The following PAH variants were observed in gnomAD, a reference collection of about 807,000 sequenced individuals.
PAH encodes phenylalanine-4-hydroxylase.
PAH carries 64 observed loss-of-function variants against 62.0 expected under a neutral mutation model. The observed-to-expected ratio is 1.03, with a 90% CI of 0.84 to 1.27. The LOEUF is 1.27. PAH is among the 50% of genes most tolerant of loss of function. The probability of loss-of-function intolerance (pLI) is 0.00; values close to 1 mark genes in which losing one functional copy is unlikely to be tolerated. For synonymous variants in PAH, 195 were observed against 196.2 expected (o/e 0.99, Z 0.05); for missense variants, 579 against 542.8 (o/e 1.07, Z -0.66).
At chr12:102,953,383 A>C (rs1045394256), upstream of PAH, 7 of 152,196 alleles carry the variant, frequency 4.6e-5, no homozygotes, top group African/African-American at 1.7e-4. Flanking sequence ...AGAAAGCATA[A>C]ATTGGTTTTC....
rs774696864 is a variant in PAH, at chr12:102,866,590, A to G, written c.509+6T>C. 8.7e-6 allele frequency: 14 copies of G among 1,611,504 alleles called. No individual in the cohort carries two copies. In the South Asian group the frequency reaches 1.4e-4, roughly 16 times the overall value. ...CTCTTCCCCTCAACAAGCAAGGCAG[A>G]CTTACTGGCGGTAGTTGTAGGCAAT... On this transcript the variant is annotated splice_donor_region_variant and intron_variant, in intron 5 of 12. Coordinates refer to ENST00000553106, the MANE Select transcript of PAH (RefSeq NM_000277.3).
chr12:102,868,078 A>G (rs1158584702), intron 4 of PAH, among the ~76,000 whole-genome samples: 14 of 64,812 alleles, frequency 2.2e-4, no homozygotes, highest in Non-Finnish European at 3.8e-4. Flanking sequence ...ATATACATAT[A>G]TGTGTGTGTG....
At chr12:102,908,669 A>G (rs1198743838) in intron 2 of PAH, among the ~76,000 whole-genome samples, 1 of 143,666 alleles carries the variant, frequency 7.0e-6, no homozygotes, top group East Asian at 2.0e-4. Context: ...GAACATATGA[A>G]CATCTTACAT....
At chr12:102,879,833 CT>C (rs1393908086) in intron 3 of PAH, among the ~76,000 whole-genome samples, 2 of 152,144 alleles carry the variant, frequency 1.3e-5, no homozygotes, top group Non-Finnish European at 2.9e-5. Context: ...GCCAGATTTC[CT>C]GCCCAGAAGT....
At position 102,958,000 on chromosome 12, in the gene PAH, G is replaced by A. The variant is rs945268562; in HGVS notation, c.-96+195C>T. 5 of 348,814 alleles carry A rather than the reference G, an allele frequency of 1.4e-5. No individual in the cohort carries two copies. Among genetic ancestry groups the A allele is most frequent in the African/African-American group, 2.1e-5 (1 of 47,104 alleles). 21.6% of individuals were successfully genotyped at this position (348,814 alleles called of 1,614,324 possible). A position where few individuals can be genotyped will look rare whatever the true frequency, so the allele number is the denominator to read the frequency against. ...CGAAGCCAACCCGCGAAGGGAGGAG[G>A]GGAGGGAGGAGGAGGCGGCGTGCAG... On this transcript the variant is annotated intron_variant, in intron 1 of 4. Transcript: ENST00000551337. The surrounding 1 kb of genome is among the most constrained non-coding windows in gnomAD (Gnocchi z 4.1).
intron 5 of PAH, 138 bp downstream of exon 5, chr12:102,866,458 T>C: frequency 1.3e-6 from 1 of 748,954 alleles, no homozygotes; most frequent in African/African-American, 1.7e-5. Context: ...CATACACGCA[T>C]GCACATGAAC....
At chr12:102,939,762 T>G (rs1433839700) in intron 1 of PAH, among the ~76,000 whole-genome samples, 1 of 152,028 alleles carries the variant, frequency 6.6e-6, no homozygotes, top group African/African-American at 2.4e-5. Context: ...GGGGTGGAGC[T>G]CCCAGGTACA....
intron 5 of PAH, among the ~76,000 whole-genome samples, chr12:102,857,802 C>T (rs1433451460): frequency 6.6e-6 from 1 of 152,144 alleles, no homozygotes; most frequent in Non-Finnish European, 1.5e-5. Flanking sequence ...CCATGCCTGC[C>T]CTACAAGAGC....
At chr12:102,857,399 G>C (rs1269619777) in intron 5 of PAH, among the ~76,000 whole-genome samples, 1 of 152,226 alleles carries the variant, frequency 6.6e-6, no homozygotes, top group Non-Finnish European at 1.5e-5. Flanking sequence ...AAAACACTCT[G>C]AAGGATACTA....
intron 1 of PAH, among the ~76,000 whole-genome samples, chr12:102,916,140 A>C (rs1018857364): frequency 1.6e-5 from 2 of 125,758 alleles, no homozygotes; most frequent in Non-Finnish European, 3.3e-5. Flanking sequence ...TATTTTCATA[A>C]GAAATTTTTT....
At chr12:102,958,140 C>A in intron 1 of PAH, 1 of 797,614 alleles carries the variant, frequency 1.3e-6, no homozygotes, top group South Asian at 3.3e-5. Flanking sequence ...CCTTTTCTTT[C>A]CCTCTCTGTT....
rs113209951 is a variant in PAH at position 102,852,623 on chromosome 12, C to T, written c.842+192G>A. On this transcript the variant is annotated intron_variant, in intron 7 of 12. Coordinates refer to ENST00000553106, the MANE Select transcript of PAH (RefSeq NM_000277.3). ...TTGGATCACAGGATGACCAAATCTC[C>T]AATCAGTCTGGTCTATCTACTTGGA... Among the ~76,000 whole-genome samples, 506 of 152,248 alleles carry T rather than the reference C, an allele frequency of 3.3e-3. 2 individuals carry two copies. Among genetic ancestry groups the T allele is most frequent in the African/African-American group, 0.012 (478 of 41,538 alleles).
chr12:102,862,752 G>A (rs901121250), intron 5 of PAH, among the ~76,000 whole-genome samples: 6 of 152,210 alleles, frequency 3.9e-5, no homozygotes, highest in African/African-American at 1.4e-4. Flanking sequence ...TCAGAATTAT[G>A]GATCATCATT....
intron 2 of PAH, among the ~76,000 whole-genome samples, chr12:102,904,896 T>C (rs1317067515): frequency 6.6e-6 from 1 of 152,202 alleles, no homozygotes; most frequent in Non-Finnish European, 1.5e-5. Context: ...TATTGCTCAT[T>C]GCCATTTTTC....
At chr12:102,897,330 C>T (rs1592980476) in intron 2 of PAH, among the ~76,000 whole-genome samples, 2 of 151,702 alleles carry the variant, frequency 1.3e-5, no homozygotes, top group South Asian at 4.2e-4. Flanking sequence ...AACATTTTTC[C>T]TAGGTTTAGT....
At chr12:102,955,187 G>GGT (rs1282360398), upstream of PAH, among the ~76,000 whole-genome samples, 4 of 152,108 alleles carry the variant, frequency 2.6e-5, no homozygotes, top group Admixed American at 1.3e-4. Flanking sequence ...CCCATTTCAT[G>GGT]GTGTGTGTAG....
Position 102,871,934 on chromosome 12 carries a change from AAAAAAAAAAAAAAAAATATATATATAT to A in PAH, c.442-5298_442-5272del, listed in dbSNP as rs1280660953. On this transcript the variant is annotated intron_variant, in intron 4 of 12. Coordinates refer to ENST00000553106, the MANE Select transcript of PAH (RefSeq NM_000277.3). ...CAAAACTCTGCCTCAAAAAAAAAAA[AAAAAAAAAAAAAAAAATATATATATAT>A]ATATATATATATATATATATATATT... 2.1e-3 allele frequency among the ~76,000 whole-genome samples: 228 copies of A among 108,486 alleles called. 2 individuals carry two copies. In the East Asian group the frequency reaches 0.036, roughly 17 times the overall value. The allele number at this position is 108,486 out of a possible 152,430, so 71.2% of individuals were successfully genotyped here. A position where few individuals can be genotyped will look rare whatever the true frequency, so the allele number is the denominator to read the frequency against.
chr12:102,845,730 C>A lies in PAH; in HGVS notation c.969+1165G>T, dbSNP rs77277630. Reference sequence around the variant, plus strand: ...GGCTGTCAGAGCTCAGTCAGTCTGACCTCCTCACATACAGGTGAGGAGTCT... The same window carrying A: ...GGCTGTCAGAGCTCAGTCAGTCTGAACTCCTCACATACAGGTGAGGAGTCT... On this transcript the variant is annotated intron_variant, in intron 9 of 12. Coordinates refer to ENST00000553106, the MANE Select transcript of PAH (RefSeq NM_000277.3). Among the ~76,000 whole-genome samples, 53 of 152,184 alleles carry A rather than the reference C, an allele frequency of 3.5e-4. 2 individuals carry two copies. The East Asian group carries it at 0.01, about 29-fold the overall frequency.
At chr12:102,866,525 A>C in intron 5 of PAH, 71 bp downstream of exon 5, 1 of 1,181,220 alleles carries the variant, frequency 8.5e-7, no homozygotes, top group African/African-American at 1.5e-5. Flanking sequence ...CCTCAACTGG[A>C]TGAGGGCAAG....
Sources: gnomAD v4.1 joint callset for allele counts (sites outside exome capture counted in the v4.1 genomes callset) on GRCh38, gnomAD v4.1.1 for gene constraint, Gnocchi (gnomAD v3.1) non-coding constraint, MANE v1.5 for transcripts, NCBI Gene and HGNC (gene_info 2026-07-23, HGNC 2026-07-21) for gene names.